The following BAZ2A variants were observed in gnomAD, a reference collection of about 807,000 sequenced individuals.
BAZ2A encodes bromodomain adjacent to zinc finger domain 2A, also known as bromodomain adjacent to zinc finger domain protein 2A.
Under a neutral mutation model 199.9 loss-of-function variants are expected in BAZ2A, and 34 were observed. The ratio of observed to expected loss-of-function variants is 0.17; its 90% CI spans 0.13 to 0.23. BAZ2A has a LOEUF of 0.23. BAZ2A is among the 10% of genes least tolerant of loss of function. BAZ2A has a pLI of 1.00. For synonymous variants in BAZ2A, 857 were observed against 883.9 expected (o/e 0.97, Z 0.54); for missense variants, 2,002 against 2,391.1 (o/e 0.84, Z 3.39).
intron 1 of BAZ2A, 108 bp from the exon 2 acceptor site, chr12:56,617,640 CT>C: frequency 8.0e-7 from 1 of 1,245,356 alleles, no homozygotes; most frequent in Non-Finnish European, 1.1e-6. Context: ...ACTTACCCTT[CT>C]CCTACCTAAG....
At chr12:56,609,548 T>C (rs573218990) in intron 10 of BAZ2A, among the ~76,000 whole-genome samples, 188 bp downstream of exon 10, 118 of 152,266 alleles carry the variant, frequency 7.7e-4, no homozygotes, top group African/African-American at 2.4e-3. Context: ...AGAAAGACCA[T>C]GGCTGGAAAA....
chr12:56,610,989 T>C (rs549583689), intron 7 of BAZ2A, among the ~76,000 whole-genome samples: 1 of 152,274 alleles, frequency 6.6e-6, no homozygotes, highest in East Asian at 1.9e-4. Flanking sequence ...AACACAAAGT[T>C]AGTCAGAGTT....
At chr12:56,610,749 A>G (rs1412926748) in intron 7 of BAZ2A, among the ~76,000 whole-genome samples, 2 of 152,148 alleles carry the variant, frequency 1.3e-5, no homozygotes, top group Non-Finnish European at 2.9e-5. Context: ...GCACAAGCTC[A>G]GAGAGATCTC....
intron 3 of BAZ2A, 103 bp from the exon 4 acceptor site, chr12:56,614,241 TCAA>T: frequency 8.2e-7 from 1 of 1,213,866 alleles, no homozygotes; most frequent in Non-Finnish European, 1.2e-6. Flanking sequence ...GTTCATTCAT[TCAA>T]CATTTATTGC....
intron 26 of BAZ2A, 22 bp downstream of exon 26, chr12:56,599,680 A>G: frequency 6.2e-7 from 1 of 1,612,276 alleles, no homozygotes; most frequent in Non-Finnish European, 8.5e-7. Context: ...TGAGTGTGGG[A>G]AAGAAAGAGC....
intron 12 of BAZ2A, 57 bp downstream of exon 12, chr12:56,606,190 G>A: frequency 6.2e-7 from 1 of 1,607,936 alleles, no homozygotes; most frequent in Non-Finnish European, 8.5e-7. Context: ...TACATGTCCT[G>A]CAAAATCAGT....
intron 10 of BAZ2A, among the ~76,000 whole-genome samples, chr12:56,607,957 G>A (rs973302350): frequency 6.6e-5 from 10 of 151,850 alleles, no homozygotes; most frequent in African/African-American, 1.7e-4. Flanking sequence ...GCATATGCCT[G>A]TAATCCCAGC....
Position 56,598,463 on chromosome 12 carries a change from A to T in BAZ2A, c.*155T>A. 1.1e-6 allele frequency: 1 copy of T among 887,184 alleles called. No individual in the cohort carries two copies. The highest frequency in any genetic ancestry group is 1.7e-6 in the Non-Finnish European group (1 of 592,960). 55.0% of individuals were successfully genotyped at this position (887,184 alleles called of 1,614,324 possible). ...GGAAGGGAGAAAGGGATGTAGGAAT[A>T]AGAGGATGTGGGGCACTGCCAAGGG... On this transcript the variant is annotated 3_prime_UTR_variant, in exon 29 of 29. Coordinates refer to ENST00000549884, the MANE Select transcript of BAZ2A (RefSeq NM_001300905.2).
chr12:56,630,204 G>A lies in BAZ2A; in HGVS notation c.-82C>T, dbSNP rs1393131931. 4.1e-6 allele frequency: 4 copies of A among 985,464 alleles called. No homozygotes were observed. Among genetic ancestry groups the A allele is most frequent in the Non-Finnish European group, 4.8e-6 (4 of 830,022 alleles). 61.0% of individuals were successfully genotyped at this position (985,464 alleles called of 1,614,324 possible). On this transcript the variant is annotated 5_prime_UTR_variant, in exon 1 of 29. Transcript: ENST00000549884. ...CGGTTCACATGGCCGCGCTCCGGGCGCCAGAACGGGTGGAGACGCCCGCTG... is the reference window on the plus strand; with the variant it reads ...CGGTTCACATGGCCGCGCTCCGGGCACCAGAACGGGTGGAGACGCCCGCTG...
Position 56,615,010 on chromosome 12 carries a change from A to T in BAZ2A, c.730+4T>A, listed in dbSNP as rs762853470. 1 of 1,609,086 alleles carries T rather than the reference A, an allele frequency of 6.2e-7. No homozygotes were observed. The highest frequency in any genetic ancestry group is 1.3e-5 in the African/African-American group (1 of 74,816). On this transcript the variant is annotated splice_donor_region_variant and intron_variant, in intron 3 of 28. Transcript: ENST00000549884. Reference sequence around the variant, plus strand: ...CCCCACCCAGTTCACCAACCCAGTTATACCTGGCTGCTCTTCTTCCAGCTC... The same window carrying T: ...CCCCACCCAGTTCACCAACCCAGTTTTACCTGGCTGCTCTTCTTCCAGCTC...
chr12:56,600,966 T>C lies in BAZ2A; in HGVS notation c.4427A>G (p.Glu1476Gly). The C allele has an allele frequency of 6.2e-7, 1 of 1,613,748 alleles. No homozygotes were observed. The highest frequency in any genetic ancestry group is 8.5e-7 in the Non-Finnish European group (1 of 1,179,752). ...ACCAGCTGAGGGCCGCAGGCAGACT[T>C]CCTGCAAGAAGTCCCTGTGCTTGTT... ...HLNKHRDFLQ[E>G]VCLRPSADPI... Residue 1476 changes from glutamate (E) to glycine (G), a missense_variant, in exon 22 of 29, where the codon GAA (glutamate) becomes GGA (glycine). Physicochemically the swap from Glu to Gly is moderately conservative, Grantham distance 98. Transcript: ENST00000549884.
intron 20 of BAZ2A, 33 bp from the exon 21 acceptor site, chr12:56,601,435 A>G: frequency 6.3e-7 from 1 of 1,598,112 alleles, no homozygotes; most frequent in African/African-American, 1.3e-5. Context: ...GGAAATGAGG[A>G]TGTTTTCATG....
chr12:56,606,596 A>C, intron 11 of BAZ2A, 37 bp downstream of exon 11: 7 of 1,575,480 alleles, frequency 4.4e-6, no homozygotes, highest in Non-Finnish European at 6.1e-6. Context: ...TTGTAGGAAA[A>C]ATTAACCTAC....
At chr12:56,629,514 G>A (rs1951223322) in intron 1 of BAZ2A, among the ~76,000 whole-genome samples, 1 of 152,132 alleles carries the variant, frequency 6.6e-6, no homozygotes, top group African/African-American at 2.4e-5. Context: ...CTCCATCCCC[G>A]GAGTGCGCGA....
At chr12:56,602,610 A>G (rs1045389453) in intron 19 of BAZ2A, 103 bp downstream of exon 19, 20 of 1,438,228 alleles carry the variant, frequency 1.4e-5, no homozygotes, top group Non-Finnish European at 1.8e-5. Flanking sequence ...CCATTACGCT[A>G]TATTATCAGA....
Position 56,605,164 on chromosome 12 carries a change from C to T in BAZ2A, c.2657G>A (p.Cys886Tyr). ...CACCTCACCCAAGCTGTCACCTTGA[C>T]ACAGGAGTCCCTCCTGCAGGACCCC... ...SLGVLQEGLL[C>Y]QGDSLGEVQD... is the part of the protein sequence containing the mutation. Residue 886 changes from cysteine (C) to tyrosine (Y), a missense_variant, in exon 14 of 29, where the codon TGT becomes TAT. Coordinates refer to ENST00000549884, the MANE Select transcript of BAZ2A (RefSeq NM_001300905.2). The T allele has an allele frequency of 6.2e-7, 1 of 1,613,802 alleles. No homozygotes were observed. The highest frequency in any genetic ancestry group is 8.5e-7 in the Non-Finnish European group (1 of 1,179,836).
At position 56,597,600 on chromosome 12, in the gene BAZ2A, G is replaced by GACACACACACACACACAC. The variant is rs781134279; in HGVS notation, c.*1000_*1017dup. The GACACACACACACACACAC allele has an allele frequency of 1.2e-5, 1 of 81,368 alleles. No homozygotes were observed. Among genetic ancestry groups the GACACACACACACACACAC allele is most frequent in the Non-Finnish European group, 2.9e-5 (1 of 33,956 alleles). 5.0% of individuals were successfully genotyped at this position (81,368 alleles called of 1,614,324 possible). A position where few individuals can be genotyped will look rare whatever the true frequency, so the allele number is the denominator to read the frequency against. On this transcript the variant is annotated 3_prime_UTR_variant, in exon 29 of 29. Coordinates refer to ENST00000549884, the MANE Select transcript of BAZ2A (RefSeq NM_001300905.2). ...CACACACAGCGCGCGCTCTGAGGCT[G>GACACACACACACACACAC]ACACACACACACACACACACAGCGC...
chr12:56,612,287 A>AT, intron 5 of BAZ2A, 41 bp from the exon 6 acceptor site: 1 of 1,430,458 alleles, frequency 7.0e-7, no homozygotes, highest in Non-Finnish European at 9.6e-7. Flanking sequence ...AAAAAAAAAA[A>AT]GGCATCACAT....
intron 7 of BAZ2A, 66 bp downstream of exon 7, chr12:56,611,507 C>T: frequency 1.3e-6 from 2 of 1,495,392 alleles, no homozygotes; most frequent in East Asian, 2.3e-5. Context: ...AGAGGCATTC[C>T]CTTCTTTCTA....
Sources: allele counts gnomAD v4.1 joint callset (sites outside exome capture counted in the v4.1 genomes callset), GRCh38; gene constraint gnomAD v4.1.1; transcripts MANE v1.5; gene names NCBI Gene and HGNC (gene_info 2026-07-23, HGNC 2026-07-21).